CCSER1: variants seen among roughly 807,000 people sequenced by gnomAD.
The protein encoded by CCSER1 is serine-rich coiled-coil domain-containing protein 1.
A neutral mutation model predicts 82.0 loss-of-function variants in CCSER1; 41 were observed. The ratio of observed to expected loss-of-function variants is 0.50; its 90% confidence interval spans 0.39 to 0.65. The LOEUF (loss-of-function observed/expected upper bound fraction) is 0.65, where lower values mean the gene tolerates loss of function less well. Among genes scored for constraint, CCSER1 ranks in the 30% least tolerant of loss-of-function variants. The pLI, the probability that CCSER1 is intolerant of heterozygous loss-of-function variation, is 0.00. For synonymous variants in CCSER1, 414 were observed against 383.9 expected (o/e 1.08, Z -0.92); for missense variants, 1,119 against 1,064.2 (o/e 1.05, Z -0.72).
chr4:90,601,445 C>T (rs1200388348), intron 5 of CCSER1, among the ~76,000 whole-genome samples: 7 of 152,182 alleles, frequency 4.6e-5, no homozygotes, highest in Admixed American at 1.3e-4. Flanking sequence ...CCCTCCCCTC[C>T]GTGCCTCTTT....
chr4:90,180,981 T>TTA (rs200291388), intron 1 of CCSER1, among the ~76,000 whole-genome samples: 77 of 151,678 alleles, frequency 5.1e-4, no homozygotes, highest in Admixed American at 2.4e-3. Context: ...CTCAATTTCT[T>TTA]TATATATATA....
intron 1 of CCSER1, among the ~76,000 whole-genome samples, chr4:90,160,174 C>A (rs1164151725): frequency 6.6e-6 from 1 of 152,096 alleles, no homozygotes; most frequent in African/African-American, 2.4e-5. Context: ...TCAAAACAGT[C>A]CTTAAGAGGG....
chr4:90,545,679 A>G (rs575050012), intron 5 of CCSER1, among the ~76,000 whole-genome samples: 2 of 152,242 alleles, frequency 1.3e-5, no homozygotes, highest in African/African-American at 4.8e-5. Context: ...ATCCAAAAGG[A>G]AAAGCGATGC....
chr4:90,212,619 C>G (rs528094813), intron 1 of CCSER1, among the ~76,000 whole-genome samples: 9 of 152,134 alleles, frequency 5.9e-5, no homozygotes, highest in Admixed American at 3.3e-4. Context: ...TTTACTAGAA[C>G]TAGTTTATAT....
intron 7 of CCSER1, among the ~76,000 whole-genome samples, chr4:90,759,681 C>T (rs1514741): frequency 0.98 from 149,994 of 152,290 alleles, 73,878 homozygotes; most frequent in East Asian, 1. Flanking sequence ...GAAGAACTCA[C>T]GAAGAACTAG....
chr4:90,642,810 G>T (rs10004498), intron 6 of CCSER1, among the ~76,000 whole-genome samples: 2,289 of 152,158 alleles, frequency 0.015, 30 homozygotes, highest in Middle Eastern at 0.031. Context: ...AGGTGTGATT[G>T]TGCCATTGCA....
At position 90,312,058 on chromosome 4, in the gene CCSER1, C is replaced by A. The variant is rs148975881; in HGVS notation, c.1325-805C>A. On this transcript the variant is annotated intron_variant, in intron 2 of 10. Coordinates refer to ENST00000509176, the MANE Select transcript of CCSER1 (RefSeq NM_001145065.2). ...GAAGCAGAAGTGGGATTCCAGTTTG[C>A]ATTTTTAAATGTAACAGGATGATAC... Among the ~76,000 whole-genome samples the A allele has an allele frequency of 1.2e-4, 19 of 152,230 alleles. 1 individual carries two copies. The East Asian group carries it at 3.5e-3, about 28-fold the overall frequency.
chr4:90,232,761 TCAAA>T (rs1281906500), intron 1 of CCSER1, among the ~76,000 whole-genome samples: 1 of 148,456 alleles, frequency 6.7e-6, no homozygotes, highest in African/African-American at 2.5e-5. Context: ...TACAATGAAC[TCAAA>T]CAAATTTACA....
At chr4:90,719,029 A>G (rs2149356824) in intron 6 of CCSER1, among the ~76,000 whole-genome samples, 1 of 152,150 alleles carries the variant, frequency 6.6e-6, no homozygotes, top group Admixed American at 6.5e-5. Context: ...ACTTTATTAC[A>G]GGGCTCCTCA....
At chr4:91,085,333 T>C (rs1453887683) in intron 9 of CCSER1, among the ~76,000 whole-genome samples, 2 of 152,124 alleles carry the variant, frequency 1.3e-5, no homozygotes, top group African/African-American at 4.8e-5. Context: ...ATTGTAGTTT[T>C]TGCCATTACT....
chr4:91,490,444 C>CT (rs1461707636), intron 10 of CCSER1, among the ~76,000 whole-genome samples: 2 of 151,952 alleles, frequency 1.3e-5, no homozygotes, highest in Non-Finnish European at 2.9e-5. Flanking sequence ...TTTGTAGCAA[C>CT]ATAGATGGGA....
At chr4:90,456,011 C>T (rs750613317) in intron 4 of CCSER1, among the ~76,000 whole-genome samples, 5 of 152,136 alleles carry the variant, frequency 3.3e-5, no homozygotes, top group Non-Finnish European at 5.9e-5. Flanking sequence ...AAATTGCAGC[C>T]AGAAACTGGT....
At chr4:91,506,131 C>T (rs1759469650) in intron 10 of CCSER1, among the ~76,000 whole-genome samples, 1 of 152,018 alleles carries the variant, frequency 6.6e-6, no homozygotes, top group Non-Finnish European at 1.5e-5. Flanking sequence ...GGAAGGGGTC[C>T]AGTTTCAGTT....
At chr4:90,705,199 C>T (rs1273841044) in intron 6 of CCSER1, among the ~76,000 whole-genome samples, 1 of 152,166 alleles carries the variant, frequency 6.6e-6, no homozygotes, top group Non-Finnish European at 1.5e-5. Flanking sequence ...ACAGTCAGGA[C>T]CCTCAGCTGC....
At chr4:90,969,461 C>T (rs1032159239) in intron 9 of CCSER1, among the ~76,000 whole-genome samples, 1 of 151,974 alleles carries the variant, frequency 6.6e-6, no homozygotes, top group African/African-American at 2.4e-5. Context: ...GATGATTTCT[C>T]AGCAGAAAGC....
chr4:90,756,687 A>G (rs575442165), intron 7 of CCSER1, among the ~76,000 whole-genome samples: 11 of 152,330 alleles, frequency 7.2e-5, no homozygotes, highest in African/African-American at 2.4e-4. Context: ...GGCAAGATAT[A>G]AAAATTATAT....
chr4:90,505,254 G>A (rs755714322), intron 5 of CCSER1, among the ~76,000 whole-genome samples: 4 of 152,222 alleles, frequency 2.6e-5, no homozygotes, highest in Non-Finnish European at 5.9e-5. Context: ...CTGGCCAGAC[G>A]TGCTCCCATC....
intron 9 of CCSER1, among the ~76,000 whole-genome samples, chr4:90,950,806 A>G (rs1223271713): frequency 2.6e-5 from 4 of 152,076 alleles, no homozygotes; most frequent in Admixed American, 6.6e-5. Flanking sequence ...TTTATCCTAC[A>G]TGTAATTGGA....
rs986418402 is a variant in CCSER1 at position 91,602,484 on chromosome 4, G to T, written c.*3427G>T. ...TGGCAACTTAGTTGTTGATTAAACA[G>T]TAGGAACAGTTTGCTGAATGGTTAG... On this transcript the variant is annotated 3_prime_UTR_variant, in exon 11 of 11. Coordinates refer to ENST00000509176, the MANE Select transcript of CCSER1 (RefSeq NM_001145065.2). 2.0e-5 allele frequency among the ~76,000 whole-genome samples: 3 copies of T among 151,996 alleles called. No individual in the cohort carries two copies. Among genetic ancestry groups the T allele is most frequent in the Admixed American group, 2.0e-4 (3 of 15,232 alleles).
Sources: allele counts gnomAD v4.1 joint callset (sites outside exome capture counted in the v4.1 genomes callset), GRCh38; gene constraint gnomAD v4.1.1; transcripts MANE v1.5; gene names NCBI Gene and HGNC (gene_info 2026-07-23, HGNC 2026-07-21).